The following RPA1 variants were observed in gnomAD, a reference collection of about 807,000 sequenced individuals.
The protein encoded by RPA1 is replication protein A1, also known as replication protein A 70 kDa DNA-binding subunit.
A neutral mutation model predicts 83.0 loss-of-function variants in RPA1; 49 were observed. The ratio of observed to expected loss-of-function variants is 0.59; its 90% CI spans 0.47 to 0.75. The LOEUF (loss-of-function observed/expected upper bound fraction) is 0.75. Among genes scored for constraint, RPA1 ranks in the 30% least tolerant of loss-of-function variants. The pLI, the probability that RPA1 is intolerant of heterozygous loss-of-function variation, is 0.00. For synonymous variants in RPA1, 279 were observed against 281.8 expected (o/e 0.99, Z 0.10); for missense variants, 693 against 776.1 (o/e 0.89, Z 1.27).
chr17:1,874,410 G>A (rs897451013), intron 6 of RPA1, among the ~76,000 whole-genome samples: 5 of 152,220 alleles, frequency 3.3e-5, no homozygotes, highest in Non-Finnish European at 7.3e-5. Flanking sequence ...AGAAGCTGAA[G>A]TGGGAGGATC....
intron 3 of RPA1, among the ~76,000 whole-genome samples, chr17:1,844,297 T>G (rs1912174654): frequency 6.6e-6 from 1 of 152,206 alleles, no homozygotes; most frequent in South Asian, 2.1e-4. Context: ...CCCTATACTT[T>G]CCTTTTCTGG....
rs1914094665 is a variant in RPA1 at position 1,888,820 on chromosome 17, T to C, written c.1520T>C (p.Phe507Ser). Residue 507 changes from phenylalanine (F) to serine (S), a missense_variant, in exon 14 of 17, where the codon TTT (phenylalanine) becomes TCT (serine). Coordinates refer to ENST00000254719, the MANE Select transcript of RPA1 (RefSeq NM_002945.5). Reference protein sequence around the residue: ...LYRCEKCDTEFPNFKYRMILS... With the variant: ...LYRCEKCDTESPNFKYRMILS... ...CGCTGTGAGAAGTGCGACACCGAAT[T>C]TCCCAATTTCAAGTACCGCATGATC... 2 of 1,613,834 alleles carry C rather than the reference T, an allele frequency of 1.2e-6. No individual in the cohort carries two copies. The highest frequency in any genetic ancestry group is 2.2e-5 in the East Asian group (1 of 44,898).
chr17:1,889,254 G>A (rs1037388830), intron 14 of RPA1, among the ~76,000 whole-genome samples: 2 of 151,868 alleles, frequency 1.3e-5, no homozygotes, highest in African/African-American at 4.8e-5. Flanking sequence ...ATGTGAGATT[G>A]TTGCTTTTTT....
At chr17:1,832,606 C>G (rs532999946) in intron 1 of RPA1, among the ~76,000 whole-genome samples, 1 of 151,472 alleles carries the variant, frequency 6.6e-6, no homozygotes, top group South Asian at 2.1e-4. Flanking sequence ...AGGCTGGTCT[C>G]GAACTCCTGA....
chr17:1,844,803 A>T, intron 4 of RPA1, 117 bp downstream of exon 4: 1 of 672,310 alleles, frequency 1.5e-6, no homozygotes, highest in Non-Finnish European at 2.5e-6. Flanking sequence ...TTAAGAACTC[A>T]GGTAGCTAAC....
intron 8 of RPA1, among the ~76,000 whole-genome samples, chr17:1,878,579 G>GA (rs1913651426): frequency 6.6e-6 from 1 of 152,222 alleles, no homozygotes; most frequent in African/African-American, 2.4e-5. Flanking sequence ...TTGTCACTGA[G>GA]AGGGCACTGT....
chr17:1,896,366 G>C (rs1010802787), intron 16 of RPA1, among the ~76,000 whole-genome samples: 1 of 152,250 alleles, frequency 6.6e-6, no homozygotes, highest in Non-Finnish European at 1.5e-5. Context: ...TTCAGGCCGT[G>C]AGTGTAAACG....
In RPA1 at chr17:1,897,259, T is replaced by G; in HGVS notation, c.*84T>G. 9.6e-7 allele frequency: 1 copy of G among 1,042,824 alleles called. No homozygotes were observed. Among genetic ancestry groups the G allele is most frequent in the Non-Finnish European group, 1.4e-6 (1 of 705,816 alleles). The allele number at this position is 1,042,824 out of a possible 1,614,324, so 64.6% of individuals were successfully genotyped here. ...CCCACCTCCGTGTGACGATCCCATG[T>G]TAGCTACACAGTGCAGAGGCTCTTG... On this transcript the variant is annotated 3_prime_UTR_variant, in exon 17 of 17. Transcript: ENST00000254719.
intron 16 of RPA1, among the ~76,000 whole-genome samples, chr17:1,895,844 G>A (rs17339270): frequency 6.6e-6 from 1 of 151,670 alleles, no homozygotes; most frequent in Non-Finnish European, 1.5e-5. Flanking sequence ...CACCATGCCC[G>A]GCTAATTTTT....
At chr17:1,843,598 C>T (rs953887181) in intron 2 of RPA1, among the ~76,000 whole-genome samples, 1 of 141,124 alleles carries the variant, frequency 7.1e-6, no homozygotes, top group African/African-American at 2.6e-5. Flanking sequence ...TTGGGTGCTT[C>T]ATTATTATTA....
chr17:1,883,780 C>T lies in RPA1; in HGVS notation c.1242-32C>T, dbSNP rs537788444. 84 of 1,613,000 alleles carry T rather than the reference C, an allele frequency of 5.2e-5. 1 individual carries two copies. The South Asian group carries it at 7.5e-4, about 14-fold the overall frequency. On this transcript the variant is annotated intron_variant, in intron 12 of 16. Coordinates refer to ENST00000254719, the MANE Select transcript of RPA1 (RefSeq NM_002945.5). ...AGAAGCAGAAGCATGTCACATCAAGCGCTCGTCATCGTTATTCGTTCACGT... is the reference window on the plus strand; with the variant it reads ...AGAAGCAGAAGCATGTCACATCAAGTGCTCGTCATCGTTATTCGTTCACGT...
intron 12 of RPA1, among the ~76,000 whole-genome samples, chr17:1,881,795 C>A (rs1483922209): frequency 6.6e-6 from 1 of 152,192 alleles, no homozygotes; most frequent in East Asian, 1.9e-4. Flanking sequence ...TGATCAAAGA[C>A]AAGCTCAGTG....
At position 1,851,632 on chromosome 17, in the gene RPA1, G is replaced by T. The variant is rs548930462; in HGVS notation, c.273-1469G>T. On this transcript the variant is annotated intron_variant, in intron 4 of 16. Transcript: ENST00000254719. ...GCAGGATGAAATTAGTTTTGGTTTTGTGTGTGTGTTTTGTCTTAGGTTTTA... is the reference window on the plus strand; with the variant it reads ...GCAGGATGAAATTAGTTTTGGTTTTTTGTGTGTGTTTTGTCTTAGGTTTTA... Among the ~76,000 whole-genome samples the T allele has an allele frequency of 1.4e-3, 209 of 152,222 alleles. 3 individuals carry two copies. Among genetic ancestry groups the T allele is most frequent in the Non-Finnish European group, 3.2e-4 (22 of 68,000 alleles).
chr17:1,893,075 G>T (rs1419973242), intron 15 of RPA1, among the ~76,000 whole-genome samples: 1 of 152,184 alleles, frequency 6.6e-6, no homozygotes, highest in South Asian at 2.1e-4. Context: ...AGTTCTGTCT[G>T]TTTGGGCTCT....
At chr17:1,832,491 A>G (rs1597412268) in intron 1 of RPA1, among the ~76,000 whole-genome samples, 2 of 151,914 alleles carry the variant, frequency 1.3e-5, no homozygotes, top group Non-Finnish European at 2.9e-5. Context: ...GGTTCAAGCA[A>G]TTCTCCTCCC....
In RPA1 at chr17:1,898,872, G is replaced by C. The variant is rs986887257; in HGVS notation, c.*1697G>C. Reference sequence around the variant, plus strand: ...ATAAAGCATCGACGAGAAAATTACAGTCTTCAACCCTCTTCTGGATTGACA... The same window carrying C: ...ATAAAGCATCGACGAGAAAATTACACTCTTCAACCCTCTTCTGGATTGACA... On this transcript the variant is annotated 3_prime_UTR_variant, in exon 17 of 17. Transcript: ENST00000254719. 6.6e-6 allele frequency: 1 copy of C among 152,580 alleles called. No individual in the cohort carries two copies. The highest frequency in any genetic ancestry group is 1.5e-5 in the Non-Finnish European group (1 of 68,046). The allele number at this position is 152,580 out of a possible 1,614,324, so 9.5% of individuals were successfully genotyped here. A position where few individuals can be genotyped will look rare whatever the true frequency, so the allele number is the denominator to read the frequency against.
intron 5 of RPA1, among the ~76,000 whole-genome samples, chr17:1,862,615 C>T (rs1913022581): frequency 1.3e-5 from 2 of 150,484 alleles, no homozygotes; most frequent in South Asian, 4.2e-4. Flanking sequence ...GATGGGGTTT[C>T]ACCATGTTGG....
intron 15 of RPA1, among the ~76,000 whole-genome samples, chr17:1,894,494 G>A (rs1471821205): frequency 2.0e-5 from 3 of 152,170 alleles, no homozygotes; most frequent in Non-Finnish European, 4.4e-5. Flanking sequence ...TCCTAAGAGC[G>A]TTTTTAATTT....
chr17:1,843,962 C>T lies in RPA1; in HGVS notation c.127C>T (p.Arg43Ter). Reference protein sequence around the residue: ...ITTGNSPPRYRLLMSDGLNTL... With the variant: ...ITTGNSPPRY ...TACGGGGAATAGTCCGCCGCGTTATCGACTGCTCATGAGTGATGGATTGAA... is the reference window on the plus strand; with the variant it reads ...TACGGGGAATAGTCCGCCGCGTTATTGACTGCTCATGAGTGATGGATTGAA... The change falls in exon 3 of 17, where the codon CGA (arginine) becomes TGA (stop). Residue 43 changes from arginine to a stop codon, truncating the protein, a stop_gained. Transcript: ENST00000254719. LOFTEE classifies it high-confidence loss of function. The T allele has an allele frequency of 5.6e-6, 9 of 1,613,918 alleles. No individual in the cohort carries two copies. The highest frequency in any genetic ancestry group is 1.3e-5 in the African/African-American group (1 of 75,012).
Sources: gnomAD v4.1 joint callset for allele counts (sites outside exome capture counted in the v4.1 genomes callset) on GRCh38, gnomAD v4.1.1 for gene constraint, MANE v1.5 for transcripts, NCBI Gene and HGNC (gene_info 2026-07-23, HGNC 2026-07-21) for gene names.